Variants in TMEM132D observed in about 807,000 individuals in gnomAD.
The protein encoded by TMEM132D is transmembrane protein 132D.
Under a neutral mutation model 62.3 loss-of-function variants are expected in TMEM132D, and 21 were observed. That is an observed-to-expected ratio of 0.34 (90% CI 0.24 to 0.49). The LOEUF is 0.49. TMEM132D is among the 20% of genes least tolerant of loss of function. The pLI, the probability that TMEM132D is intolerant of heterozygous loss-of-function variation, is 0.99. For synonymous variants in TMEM132D, 621 were observed against 575.6 expected (o/e 1.08, Z -1.13); for missense variants, 1,346 against 1,402.8 (o/e 0.96, Z 0.65).
At chr12:129,083,460 G>A (rs988924667) in intron 6 of TMEM132D, among the ~76,000 whole-genome samples, 7 of 152,082 alleles carry the variant, frequency 4.6e-5, no homozygotes, top group East Asian at 1.9e-4. Flanking sequence ...TTTTCCCTCC[G>A]CAGCGCCAAC....
intron 4 of TMEM132D, among the ~76,000 whole-genome samples, chr12:129,222,065 G>A (rs1387012371): frequency 2.0e-5 from 3 of 152,138 alleles, no homozygotes; most frequent in Non-Finnish European, 2.9e-5. Context: ...TTTCGTGGCT[G>A]TGGTATGGTA....
chr12:129,604,947 G>C (rs762597745), intron 2 of TMEM132D, among the ~76,000 whole-genome samples: 3 of 152,180 alleles, frequency 2.0e-5, no homozygotes, highest in Non-Finnish European at 4.4e-5. Context: ...CAGTGAACAA[G>C]AGGAGATGCA....
At chr12:129,400,267 A>G (rs1216121949) in intron 3 of TMEM132D, among the ~76,000 whole-genome samples, 1 of 152,186 alleles carries the variant, frequency 6.6e-6, no homozygotes, top group Non-Finnish European at 1.5e-5. Context: ...CAGACACATT[A>G]GTCAAGAGCA....
At chr12:129,256,329 A>G (rs1218829022) in intron 4 of TMEM132D, among the ~76,000 whole-genome samples, 1 of 152,246 alleles carries the variant, frequency 6.6e-6, no homozygotes, top group Non-Finnish European at 1.5e-5. Context: ...GCGGAATGAC[A>G]TGGTGGGCAC....
Position 129,209,545 on chromosome 12 carries a change from C to T in TMEM132D, c.1418G>A (p.Arg473Lys). The T allele has an allele frequency of 6.2e-7, 1 of 1,614,164 alleles. No homozygotes were observed. The highest frequency in any genetic ancestry group is 8.5e-7 in the Non-Finnish European group (1 of 1,180,004). Residue 473 changes from arginine to lysine, a missense_variant, in exon 5 of 9, where the codon AGA becomes AAA. Coordinates refer to ENST00000422113, the MANE Select transcript of TMEM132D (RefSeq NM_133448.3). Reference sequence around the variant, plus strand: ...CTTAATCACGTCTTCATCAGACGATCTACACTCCACAGACTCCAGCAGCTC... The same window carrying T: ...CTTAATCACGTCTTCATCAGACGATTTACACTCCACAGACTCCAGCAGCTC... ...VTELLESVEC[R>K]SSDEDVIKVS...
intron 5 of TMEM132D, among the ~76,000 whole-genome samples, chr12:129,176,007 T>G (rs1216307960): frequency 1.3e-5 from 2 of 152,156 alleles, no homozygotes; most frequent in African/African-American, 2.4e-5. Context: ...TTCCAACATA[T>G]GTGTGCTCCC....
Position 129,106,540 on chromosome 12 carries a change from C to T in TMEM132D, c.1444-21838G>A, listed in dbSNP as rs80245518. On this transcript the variant is annotated intron_variant, in intron 5 of 8. Coordinates refer to ENST00000422113, the MANE Select transcript of TMEM132D (RefSeq NM_133448.3). ...GCAGATTCTGTCTCTTGATTATACTCTGATGAATACAATGGAAACTGCCAT... is the reference window on the plus strand; with the variant it reads ...GCAGATTCTGTCTCTTGATTATACTTTGATGAATACAATGGAAACTGCCAT... Among the ~76,000 whole-genome samples, 1,270 of 152,258 alleles carry T rather than the reference C, an allele frequency of 8.3e-3. 22 individuals are homozygous for T. Among genetic ancestry groups the T allele is most frequent in the African/African-American group, 0.029 (1,220 of 41,536 alleles).
chr12:129,529,233 G>A (rs1017354443), intron 3 of TMEM132D, among the ~76,000 whole-genome samples: 3 of 152,212 alleles, frequency 2.0e-5, no homozygotes, highest in Admixed American at 6.5e-5. Flanking sequence ...CACTTAGAAT[G>A]AAGAATTAGG....
intron 1 of TMEM132D, among the ~76,000 whole-genome samples, chr12:129,885,781 A>G (rs1301292610): frequency 1.3e-5 from 2 of 152,204 alleles, no homozygotes; most frequent in Admixed American, 1.3e-4. Context: ...TCACTCTTTT[A>G]AATGTATCCA....
chr12:129,620,372 G>C (rs1879033012), intron 2 of TMEM132D, among the ~76,000 whole-genome samples: 1 of 152,174 alleles, frequency 6.6e-6, no homozygotes, highest in Admixed American at 6.5e-5. Context: ...GCTGAGGTGG[G>C]AGGATCCCTT....
intron 2 of TMEM132D, among the ~76,000 whole-genome samples, chr12:129,616,756 C>G (rs2137156143): frequency 6.6e-6 from 1 of 152,290 alleles, no homozygotes; most frequent in South Asian, 2.1e-4. Flanking sequence ...AACTGTGAGT[C>G]AATTAAACCT....
chr12:129,734,202 T>C (rs1318971420), intron 1 of TMEM132D, among the ~76,000 whole-genome samples: 2 of 152,202 alleles, frequency 1.3e-5, no homozygotes, highest in Admixed American at 6.5e-5. Flanking sequence ...ATGCCAATCA[T>C]TCTGTCCTGG....
intron 1 of TMEM132D, among the ~76,000 whole-genome samples, chr12:129,851,845 G>A (rs1394667359): frequency 6.6e-6 from 1 of 152,200 alleles, no homozygotes; most frequent in Non-Finnish European, 1.5e-5. Context: ...TGCCACCAAT[G>A]TATGAGTATG....
At chr12:129,540,125 T>C (rs1468061611) in intron 2 of TMEM132D, among the ~76,000 whole-genome samples, 1 of 152,118 alleles carries the variant, frequency 6.6e-6, no homozygotes, top group Non-Finnish European at 1.5e-5. Context: ...AAAACCATCT[T>C]AGAGCTACAT....
intron 1 of TMEM132D, among the ~76,000 whole-genome samples, chr12:129,760,144 C>A (rs1038262872): frequency 6.6e-6 from 1 of 152,094 alleles, no homozygotes; most frequent in Non-Finnish European, 1.5e-5. Context: ...TGGGCTCAAG[C>A]AATCCTTCTG....
chr12:129,643,847 AT>A (rs531369497), intron 2 of TMEM132D, among the ~76,000 whole-genome samples: 2,518 of 142,158 alleles, frequency 0.018, 54 homozygotes, highest in African/African-American at 0.054. Context: ...CCAATGTACC[AT>A]TTTTTTTTTT....
At chr12:129,698,963 C>A (rs1168704068) in intron 2 of TMEM132D, among the ~76,000 whole-genome samples, 1 of 152,076 alleles carries the variant, frequency 6.6e-6, no homozygotes, top group Non-Finnish European at 1.5e-5. Context: ...AGTCATAACA[C>A]ACATTTTATT....
chr12:129,275,266 G>C (rs1301822228), intron 4 of TMEM132D, among the ~76,000 whole-genome samples: 2 of 152,026 alleles, frequency 1.3e-5, no homozygotes, highest in Non-Finnish European at 2.9e-5. Flanking sequence ...GGGTGACAAA[G>C]CAAAACTCAG....
chr12:129,394,283 G>A (rs984106781), intron 3 of TMEM132D, among the ~76,000 whole-genome samples: 6 of 152,076 alleles, frequency 3.9e-5, no homozygotes, highest in Non-Finnish European at 7.4e-5. Context: ...CACTGTTCCC[G>A]TCAATACATT....
Sources: gnomAD v4.1 joint callset for allele counts (sites outside exome capture counted in the v4.1 genomes callset) on GRCh38, gnomAD v4.1.1 for gene constraint, MANE v1.5 for transcripts, NCBI Gene and HGNC (gene_info 2026-07-23, HGNC 2026-07-21) for gene names.